The following LTBP1 variants were observed in gnomAD, a reference collection of about 807,000 sequenced individuals.
LTBP1 encodes the protein latent transforming growth factor beta binding protein 1, also known as latent-transforming growth factor beta-binding protein 1.
In LTBP1, 129 loss-of-function variants were observed where a neutral mutation model predicts 207.6. The ratio of observed to expected loss-of-function variants is 0.62; its 90% CI spans 0.54 to 0.72. LTBP1 has a LOEUF of 0.72. LTBP1 is among the 30% of genes least tolerant of loss of function. The pLI is 0.00. For synonymous variants in LTBP1, 963 were observed against 833.7 expected, an observed-to-expected ratio of 1.16 and a Z score of -2.67; for missense variants, 2,281 against 2,217.2, an observed-to-expected ratio of 1.03 and a Z score of -0.58.
Position 32,947,506 on chromosome 2 carries a change from G to A in LTBP1, c.182G>A (p.Arg61Lys), listed in dbSNP as rs1676359782. The change falls in exon 1 of 34, where the codon AGG becomes AAG. Residue 61 changes from arginine to lysine, a missense_variant. Physicochemically the swap from Arg to Lys is conservative, Grantham distance 26 (BLOSUM62 2). This residue lies in a region of LTBP1 where 555 missense variants were observed against 491.0 expected (regional missense o/e 1.13). Transcript: ENST00000404816. ...SRTFNVALNARYSRSSAAAGA... is the reference protein window; with the variant it reads ...SRTFNVALNAKYSRSSAAAGA... ...ACATTCAACGTCGCGCTCAACGCCAGGTACAGCCGCAGCTCGGCGGCTGCC... is the reference window on the plus strand; with the variant it reads ...ACATTCAACGTCGCGCTCAACGCCAAGTACAGCCGCAGCTCGGCGGCTGCC... 1.4e-6 allele frequency: 2 copies of A among 1,426,368 alleles called. No individual in the cohort carries two copies. Among genetic ancestry groups the A allele is most frequent in the Admixed American group, 5.5e-5 (2 of 36,388 alleles). 88.4% of individuals were successfully genotyped at this position (1,426,368 alleles called of 1,614,324 possible).
chr2:33,282,482 G>A lies in LTBP1; in HGVS notation c.3112+2324G>A, dbSNP rs574302813. ...TATAGTAGTAGAGCTTTCAAATGTC[G>A]AGAAGTTGACTGTGACAAAAAGCAG... On this transcript the variant is annotated intron_variant, in intron 19 of 33. Coordinates refer to ENST00000404816, the MANE Select transcript of LTBP1 (RefSeq NM_206943.4). 3.9e-5 allele frequency among the ~76,000 whole-genome samples: 6 copies of A among 152,174 alleles called. No individual in the cohort carries two copies. In the South Asian group the frequency reaches 6.2e-4, roughly 16 times the overall value.
intron 3 of LTBP1, among the ~76,000 whole-genome samples, chr2:33,060,179 A>G (rs975451656): frequency 1.1e-4 from 4 of 37,886 alleles, no homozygotes; most frequent in African/African-American, 1.5e-4. Context: ...GGATTATTTA[A>G]GTTAGCTTAC....
intron 31 of LTBP1, among the ~76,000 whole-genome samples, chr2:33,381,600 C>G (rs2095215311): frequency 6.6e-6 from 1 of 152,168 alleles, no homozygotes; most frequent in African/African-American, 2.4e-5. Flanking sequence ...ATAAATCGAG[C>G]AAATTCAATA....
At chr2:33,145,045 A>G (rs1159809785) in intron 5 of LTBP1, among the ~76,000 whole-genome samples, 2 of 152,230 alleles carry the variant, frequency 1.3e-5, no homozygotes, top group Non-Finnish European at 2.9e-5. Context: ...TATATCATAA[A>G]GAAAGAAAAT....
chr2:33,066,776 T>G (rs1361195771), intron 3 of LTBP1, among the ~76,000 whole-genome samples: 1 of 152,174 alleles, frequency 6.6e-6, no homozygotes, highest in Non-Finnish European at 1.5e-5. Flanking sequence ...GCAAACAAGG[T>G]AAATTTGCAA....
At chr2:32,966,217 A>G (rs886975654) in intron 2 of LTBP1, among the ~76,000 whole-genome samples, 6 of 152,058 alleles carry the variant, frequency 3.9e-5, no homozygotes, top group African/African-American at 1.2e-4. Flanking sequence ...GGTTCTTTGC[A>G]TATTTTGGAT....
chr2:33,103,097 G>A (rs572067215), intron 3 of LTBP1, among the ~76,000 whole-genome samples: 57 of 151,636 alleles, frequency 3.8e-4, no homozygotes, highest in African/African-American at 1.3e-3. Flanking sequence ...TGCACTGTTT[G>A]TATGCAGATT....
chr2:33,064,990 G>A (rs1444448545), intron 3 of LTBP1, among the ~76,000 whole-genome samples: 1 of 151,970 alleles, frequency 6.6e-6, no homozygotes, highest in Non-Finnish European at 1.5e-5. Context: ...TAGGTTTTAG[G>A]GTGAAAGTAT....
At chr2:32,988,612 C>G (rs219148) in intron 2 of LTBP1, among the ~76,000 whole-genome samples, 40,809 of 152,048 alleles carry the variant, frequency 0.27, 6,605 homozygotes, top group Non-Finnish European at 0.38. Flanking sequence ...GAGTTCACAC[C>G]TCATGGAAAT....
intron 3 of LTBP1, among the ~76,000 whole-genome samples, chr2:33,075,747 C>A (rs1464804062): frequency 6.6e-6 from 1 of 152,168 alleles, no homozygotes; most frequent in Non-Finnish European, 1.5e-5. Context: ...AAATTTAATA[C>A]TCTAAGTAAG....
chr2:32,999,631 C>G (rs1685796947), intron 2 of LTBP1, among the ~76,000 whole-genome samples: 1 of 133,866 alleles, frequency 7.5e-6, no homozygotes, highest in African/African-American at 2.6e-5. Context: ...GTGGCTCACG[C>G]CTGTAATCCC....
intron 7 of LTBP1, among the ~76,000 whole-genome samples, chr2:33,214,889 A>G (rs911349713): frequency 6.6e-5 from 10 of 152,072 alleles, no homozygotes; most frequent in African/African-American, 2.2e-4. Context: ...AAAAAAAGCA[A>G]TTGTTTTGGT....
chr2:33,131,802 T>C (rs2081816753), intron 4 of LTBP1, among the ~76,000 whole-genome samples: 3 of 152,258 alleles, frequency 2.0e-5, no homozygotes, highest in Admixed American at 1.3e-4. Context: ...TGAAACTGTC[T>C]CTGCCTTTTG....
chr2:33,161,240 A>G (rs1235669355), intron 5 of LTBP1, among the ~76,000 whole-genome samples: 1 of 151,866 alleles, frequency 6.6e-6, no homozygotes, highest in Non-Finnish European at 1.5e-5. Flanking sequence ...GTAGAGGTTA[A>G]ATAGGAAGCT....
chr2:33,092,195 GCGCACACA>G (rs1401608012), intron 3 of LTBP1, among the ~76,000 whole-genome samples: 5 of 149,018 alleles, frequency 3.4e-5, no homozygotes, highest in Admixed American at 6.7e-5. Flanking sequence ...ACACACACAC[GCGCACACA>G]CACACACACA....
At chr2:32,951,861 G>A (rs1322438389) in intron 2 of LTBP1, among the ~76,000 whole-genome samples, 2 of 152,118 alleles carry the variant, frequency 1.3e-5, no homozygotes, top group African/African-American at 4.8e-5. Flanking sequence ...TTATTATGCG[G>A]AGATTGAACA....
In LTBP1 at chr2:33,255,138, T is replaced by C. The variant is rs1307666642; in HGVS notation, c.2168-2146T>C. Among the ~76,000 whole-genome samples, 8 of 116,086 alleles carry C rather than the reference T, an allele frequency of 6.9e-5. No individual in the cohort carries two copies. In the South Asian group the frequency reaches 1.9e-3, roughly 27 times the overall value. 76.2% of individuals were successfully genotyped at this position (116,086 alleles called of 152,430 possible). Reference sequence around the variant, plus strand: ...TTCCCCTTCCTGTGTCCATGTGATCTCATTGTTCAATTCCCACCTATGAGT... The same window carrying C: ...TTCCCCTTCCTGTGTCCATGTGATCCCATTGTTCAATTCCCACCTATGAGT... On this transcript the variant is annotated intron_variant, in intron 11 of 33. Transcript: ENST00000404816.
intron 19 of LTBP1, among the ~76,000 whole-genome samples, chr2:33,287,110 A>G (rs908483506): frequency 1.3e-5 from 2 of 152,196 alleles, no homozygotes; most frequent in African/African-American, 4.8e-5. Flanking sequence ...AACAACAACA[A>G]CAACAACAAC....
chr2:33,044,971 T>C (rs1340773520), intron 3 of LTBP1, among the ~76,000 whole-genome samples: 3 of 152,326 alleles, frequency 2.0e-5, no homozygotes, highest in South Asian at 2.1e-4. Flanking sequence ...TGGTTTTTTT[T>C]TCATGTAAAT....
Sources: allele counts gnomAD v4.1 joint callset (sites outside exome capture counted in the v4.1 genomes callset), GRCh38; gene constraint gnomAD v4.1.1; regional missense constraint gnomAD v4.1.1; transcripts MANE v1.5; gene names NCBI Gene and HGNC (gene_info 2026-07-23, HGNC 2026-07-21).